Variants in NDUFA10 observed in about 807,000 individuals in gnomAD.
NDUFA10 encodes NADH:ubiquinone oxidoreductase subunit A10, also known as NADH dehydrogenase [ubiquinone] 1 alpha subcomplex subunit 10, mitochondrial.
In NDUFA10, 40 loss-of-function variants were observed where a neutral mutation model predicts 47.8. The observed-to-expected ratio is 0.84, with a 90% CI of 0.65 to 1.09. The LOEUF (loss-of-function observed/expected upper bound fraction) is 1.09, where lower values mean the gene tolerates loss of function less well. Among genes scored for constraint, NDUFA10 ranks in the 50% least tolerant of loss-of-function variants. The probability of loss-of-function intolerance (pLI) is 0.00; values close to 1 mark genes in which losing one functional copy is unlikely to be tolerated. For missense variants in NDUFA10, 413 were observed against 451.1 expected, an observed-to-expected ratio of 0.92 and a Z score of 0.76; for synonymous variants, 183 against 172.2, an observed-to-expected ratio of 1.06 and a Z score of -0.49.
intron 9 of NDUFA10, chr2:239,982,180 T>C (rs1695804803): frequency 1.9e-6 from 3 of 1,612,874 alleles, no homozygotes; most frequent in Middle Eastern, 1.6e-4. Context: ...GGACCCTCTC[T>C]TGTACTCTGC....
chr2:239,905,466 G>A (rs1285027823), intron 4 of NDUFA10, among the ~76,000 whole-genome samples: 1 of 152,234 alleles, frequency 6.6e-6, no homozygotes, highest in Non-Finnish European at 1.5e-5. Flanking sequence ...GCATGCGTAT[G>A]TGTGTGTGGT....
intron 4 of NDUFA10, chr2:239,943,038 G>C (rs949249229): frequency 2.6e-5 from 4 of 154,446 alleles, no homozygotes; most frequent in African/African-American, 9.6e-5. Flanking sequence ...GACCAGAGCT[G>C]GCTTCACCTC....
intron 4 of NDUFA10, among the ~76,000 whole-genome samples, chr2:239,895,521 G>A (rs1359764279): frequency 6.6e-6 from 1 of 152,204 alleles, no homozygotes; most frequent in Non-Finnish European, 1.5e-5. Context: ...TCTTAACAGT[G>A]TTAAAAAACA....
intron 9 of NDUFA10, among the ~76,000 whole-genome samples, chr2:239,985,621 C>T (rs1457431311): frequency 1.3e-5 from 2 of 151,988 alleles, no homozygotes; most frequent in Non-Finnish European, 2.9e-5. Flanking sequence ...CACTGTGGGA[C>T]GCCAAGGCAG....
chr2:239,983,717 G>A lies in NDUFA10; in HGVS notation c.999+6357C>T, dbSNP rs775755770. On this transcript the variant is annotated intron_variant, in intron 9 of 9. Coordinates refer to ENST00000252711, the MANE Select transcript of NDUFA10 (RefSeq NM_004544.4). The stretch of plus-strand genomic sequence containing the variant: ...CCAAAACACACAGTCCAATCTAATC[G>A]CTAGAGAAACATCGGGCAACCCTCA... The A allele has an allele frequency of 3.6e-5, 56 of 1,565,520 alleles. No homozygotes were observed. In the Middle Eastern group the frequency reaches 1.2e-3, roughly 32 times the overall value.
chr2:239,984,245 A>C (rs1179741461), intron 9 of NDUFA10, among the ~76,000 whole-genome samples: 1 of 146,802 alleles, frequency 6.8e-6, no homozygotes, highest in Non-Finnish European at 1.5e-5. Flanking sequence ...AAAAAAAAAA[A>C]CAAAAAACAA....
chr2:239,936,723 C>T (rs1379019756), intron 4 of NDUFA10, among the ~76,000 whole-genome samples: 3 of 152,144 alleles, frequency 2.0e-5, no homozygotes, highest in Non-Finnish European at 2.9e-5. Flanking sequence ...GAGGCCCAGG[C>T]GGGTGGATCA....
intron 5 of NDUFA10, among the ~76,000 whole-genome samples, chr2:239,893,459 A>G (rs938360503): frequency 9.9e-5 from 15 of 152,218 alleles, no homozygotes; most frequent in Admixed American, 7.9e-4. Context: ...TAGATTATAG[A>G]AAAAGAATAG....
intron 6 of NDUFA10, 149 bp downstream of exon 6, chr2:240,011,467 CT>C: frequency 1.4e-6 from 1 of 692,168 alleles, no homozygotes; most frequent in South Asian, 1.6e-5. Flanking sequence ...GAAATGTCTC[CT>C]GTTTTTCTTA....
intron 4 of NDUFA10, among the ~76,000 whole-genome samples, chr2:239,946,368 G>A (rs1162101350): frequency 6.6e-6 from 1 of 152,296 alleles, no homozygotes; most frequent in African/African-American, 2.4e-5. Flanking sequence ...AGGGGAAGAC[G>A]TTGTCCCTTG....
chr2:240,014,203 C>A, intron 5 of NDUFA10: 1 of 169,960 alleles, frequency 5.9e-6, no homozygotes, highest in Admixed American at 5.5e-5. Context: ...AAAGGCGTTG[C>A]TTCGAGGCCA....
At chr2:239,949,266 G>A (rs572871516) in intron 4 of NDUFA10, among the ~76,000 whole-genome samples, 3 of 152,330 alleles carry the variant, frequency 2.0e-5, no homozygotes, top group African/African-American at 4.8e-5. Flanking sequence ...CTCGGAGGGC[G>A]AAGCGAGTTA....
At chr2:239,894,308 C>T (rs62181290) in intron 5 of NDUFA10, among the ~76,000 whole-genome samples, 6,687 of 150,026 alleles carry the variant, frequency 0.045, 170 homozygotes, top group Non-Finnish European at 0.05. Context: ...TCCATCCCAG[C>T]CTCATTCCTT....
chr2:239,934,624 T>G (rs1272589999), intron 4 of NDUFA10, among the ~76,000 whole-genome samples: 3 of 152,178 alleles, frequency 2.0e-5, no homozygotes, highest in Non-Finnish European at 2.9e-5. Flanking sequence ...TTCAACATCC[T>G]CCTTGTTTGA....
intron 4 of NDUFA10, among the ~76,000 whole-genome samples, chr2:239,934,592 T>C (rs1694232259): frequency 6.6e-6 from 1 of 152,194 alleles, no homozygotes; most frequent in Non-Finnish European, 1.5e-5. Context: ...TAAACATTTA[T>C]CCCTGTTTTG....
chr2:239,960,614 A>T lies in NDUFA10; in HGVS notation c.*504T>A. ...TAAAATAAATACAGTAGGCCTTTAG[A>T]AAAACTCTTCAGCATAATGTAAGCC... On this transcript the variant is annotated 3_prime_UTR_variant, in exon 10 of 10. Coordinates refer to ENST00000252711, the MANE Select transcript of NDUFA10 (RefSeq NM_004544.4). The T allele has an allele frequency of 9.8e-7, 1 of 1,024,148 alleles. No homozygotes were observed. Among genetic ancestry groups the T allele is most frequent in the Non-Finnish European group, 1.2e-6 (1 of 850,986 alleles). The allele number at this position is 1,024,148 out of a possible 1,614,324, so 63.4% of individuals were successfully genotyped here.
At chr2:239,985,309 T>G (rs1014283171) in intron 9 of NDUFA10, among the ~76,000 whole-genome samples, 1 of 152,048 alleles carries the variant, frequency 6.6e-6, no homozygotes, top group Non-Finnish European at 1.5e-5. Flanking sequence ...AGCAGTAAAC[T>G]TGAAATTATA....
chr2:239,994,951 A>G (rs1371231217), intron 8 of NDUFA10, among the ~76,000 whole-genome samples: 1 of 152,178 alleles, frequency 6.6e-6, no homozygotes, highest in Non-Finnish European at 1.5e-5. Context: ...ACTAACAGCA[A>G]CAATGAATTG....
chr2:240,011,150 T>C lies in NDUFA10; in HGVS notation c.749+467A>G, dbSNP rs546705870. Among the ~76,000 whole-genome samples the C allele has an allele frequency of 4.6e-5, 7 of 152,358 alleles. No homozygotes were observed. In the South Asian group the frequency reaches 8.3e-4, roughly 18 times the overall value. On this transcript the variant is annotated intron_variant, in intron 6 of 9. Transcript: ENST00000252711. ...AGGGGGAAAAGAAAGAAAAACAGTC[T>C]GGTGGTGTTTCCTTCATCTAATCCA... is the stretch of plus-strand genomic sequence containing the variant.
Sources: allele counts gnomAD v4.1 joint callset (sites outside exome capture counted in the v4.1 genomes callset), GRCh38; gene constraint gnomAD v4.1.1; transcripts MANE v1.5; gene names NCBI Gene and HGNC (gene_info 2026-07-23, HGNC 2026-07-21).